The following FCSK variants were observed in gnomAD, a reference collection of about 807,000 sequenced individuals.
FCSK encodes the protein fucose kinase.
A neutral mutation model predicts 122.5 loss-of-function variants in FCSK; 123 were observed. That is an observed-to-expected ratio of 1.00 (90% confidence interval 0.87 to 1.17). FCSK has a LOEUF of 1.17. Ranked by LOEUF, FCSK falls within the 50% of genes most tolerant of loss-of-function variation. The probability of loss-of-function intolerance (pLI) is 0.00; values close to 1 mark genes in which losing one functional copy is unlikely to be tolerated. For missense variants in FCSK, 1,366 were observed against 1,450.4 expected, an observed-to-expected ratio of 0.94 and a Z score of 0.95; for synonymous variants, 620 against 625.5, an observed-to-expected ratio of 0.99 and a Z score of 0.13.
chr16:70,475,315 G>T, intron 18 of FCSK, 35 bp from the exon 19 acceptor site: 1 of 1,604,842 alleles, frequency 6.2e-7, no homozygotes, highest in South Asian at 1.1e-5. Context: ...TGCCCATCGA[G>T]ACTGAATTCC....
At position 70,479,288 on chromosome 16, in the gene FCSK, C is replaced by G; in HGVS notation, c.3038C>G (p.Ala1013Gly). Residue 1013 changes from alanine (A) to glycine (G), a missense_variant, in exon 23 of 24, where the codon GCC (alanine) becomes GGC (glycine). By Grantham distance (60) the Ala-to-Gly change is moderately conservative (BLOSUM62 0). Coordinates refer to ENST00000288078, the MANE Select transcript of FCSK (RefSeq NM_145059.3). The stretch of plus-strand genomic sequence containing the variant: ...GTGCGGCGTATGATGGATGTCCTGG[C>G]CCCCCACGTGCATGGCCAGAGCCTG... ...LTVRRMMDVLAPHVHGQSLAG... is the reference protein window; with the variant it reads ...LTVRRMMDVLGPHVHGQSLAG... 4 of 1,613,890 alleles carry G rather than the reference C, an allele frequency of 2.5e-6. No individual in the cohort carries two copies. The highest frequency in any genetic ancestry group is 1.7e-6 in the Non-Finnish European group (2 of 1,179,944).
At chr16:70,469,086 C>T in intron 9 of FCSK, 66 bp from the exon 10 acceptor site, 1 of 1,608,972 alleles carries the variant, frequency 6.2e-7, no homozygotes, top group Non-Finnish European at 8.5e-7. Context: ...TGCCCTGGTT[C>T]AGCCTCAGAA....
intron 13 of FCSK, among the ~76,000 whole-genome samples, 197 bp from the exon 14 acceptor site, chr16:70,472,344 G>A (rs1167841591): frequency 6.6e-6 from 1 of 152,178 alleles, no homozygotes; most frequent in Non-Finnish European, 1.5e-5. Flanking sequence ...CTGGGAGGCC[G>A]AGGTGGGAGG....
chr16:70,471,149 C>A (rs2048603168), intron 12 of FCSK, 33 bp from the exon 13 acceptor site: 2 of 1,592,884 alleles, frequency 1.3e-6, no homozygotes, highest in African/African-American at 2.7e-5. Context: ...TGGGTGCCTG[C>A]CCACCCAGGA....
At chr16:70,460,148 C>G (rs1267680760) in intron 1 of FCSK, among the ~76,000 whole-genome samples, 2 of 148,334 alleles carry the variant, frequency 1.3e-5, no homozygotes, top group African/African-American at 5.1e-5. Context: ...GCTCTGTCGC[C>G]CAGGCTGGAG....
rs370391879 is a variant in FCSK at position 70,475,717 on chromosome 16, C to A, written c.2591C>A (p.Thr864Lys). Residue 864 changes from threonine (T) to lysine (K), a missense_variant, in exon 20 of 24, where the codon ACG (threonine) becomes AAG (lysine). Physicochemically the swap from Thr to Lys is moderately conservative, Grantham distance 78. Transcript: ENST00000288078. ...LQRAAGRVVG[T>K]EALIHAVLHL... ...CGAGCCGCAGGCCGGGTGGTGGGCA[C>A]GGAAGCCCTGATCCACGCAGTGCTG... is the stretch of plus-strand genomic sequence containing the variant. 1.2e-6 allele frequency: 2 copies of A among 1,602,686 alleles called. No individual in the cohort carries two copies. The highest frequency in any genetic ancestry group is 2.7e-5 in the African/African-American group (2 of 74,844).
At position 70,478,474 on chromosome 16, in the gene FCSK, C is replaced by T. The variant is rs754707150; in HGVS notation, c.2829+15C>T. The T allele has an allele frequency of 9.3e-6, 15 of 1,613,644 alleles. No individual in the cohort carries two copies. The East Asian group carries it at 3.3e-4, about 36-fold the overall frequency. ...ACCTGCTGCAGGTGAGCTCTGGCCC[C>T]AGCATGAGGGAGGCAGGCAGGGGGC... On this transcript the variant is annotated intron_variant, in intron 21 of 23. Coordinates refer to ENST00000288078, the MANE Select transcript of FCSK (RefSeq NM_145059.3).
At chr16:70,465,264 G>A in intron 4 of FCSK, 88 bp downstream of exon 4, 3 of 1,273,960 alleles carry the variant, frequency 2.4e-6, no homozygotes, top group Admixed American at 2.2e-5. Context: ...TTCTGCCACT[G>A]TGTGTGTGCA....
intron 22 of FCSK, 185 bp from the exon 23 acceptor site, chr16:70,478,995 G>T: frequency 1.5e-6 from 1 of 653,344 alleles, no homozygotes; most frequent in South Asian, 1.8e-5. Flanking sequence ...GGTGTTGGTT[G>T]CTTCCTGCAC....
rs1400414725 is a variant in FCSK, at chr16:70,475,092, G to T, written c.2377+81G>T. On this transcript the variant is annotated intron_variant, in intron 18 of 23. Coordinates refer to ENST00000288078, the MANE Select transcript of FCSK (RefSeq NM_145059.3). The stretch of plus-strand genomic sequence containing the variant: ...GAAGCTAGAGACTGCAGGCCAGTGG[G>T]GTCTGGCCTGAGGGCCAGCCAGTCT... The T allele has an allele frequency of 5.3e-6, 7 of 1,332,314 alleles. No individual in the cohort carries two copies. The Admixed American group carries it at 8.6e-5, about 16-fold the overall frequency. The allele number at this position is 1,332,314 out of a possible 1,614,324, so 82.5% of individuals were successfully genotyped here.
rs781318527 is a variant in FCSK, at chr16:70,463,156, AT to A, written c.-22-11del. 4.6e-6 allele frequency: 7 copies of A among 1,517,332 alleles called. No homozygotes were observed. The Middle Eastern group carries it at 8.5e-4, about 185-fold the overall frequency. The allele number at this position is 1,517,332 out of a possible 1,614,324, so 94.0% of individuals were successfully genotyped here. A position where few individuals can be genotyped will look rare whatever the true frequency, so the allele number is the denominator to read the frequency against. ...TTAAAAAATAGTCACATCTACCCAT[AT>A]TGCTGTCTCAGGAAGCCCCTCCGCT... On this transcript the variant is annotated splice_polypyrimidine_tract_variant and intron_variant, in intron 1 of 23. Coordinates refer to ENST00000288078, the MANE Select transcript of FCSK (RefSeq NM_145059.3).
In FCSK at chr16:70,465,270, G is replaced by A. The variant is rs540040515; in HGVS notation, c.285+94G>A. Reference sequence around the variant, plus strand: ...TCAGGGGTGTTCTGCCACTGTGTGTGTGCAAGATGAAATCTGAAAGATTCT... The same window carrying A: ...TCAGGGGTGTTCTGCCACTGTGTGTATGCAAGATGAAATCTGAAAGATTCT... On this transcript the variant is annotated intron_variant, in intron 4 of 23. Coordinates refer to ENST00000288078, the MANE Select transcript of FCSK (RefSeq NM_145059.3). 41 of 1,223,248 alleles carry A rather than the reference G, an allele frequency of 3.4e-5. No homozygotes were observed. In the African/African-American group the frequency reaches 5.9e-4, roughly 18 times the overall value. The allele number at this position is 1,223,248 out of a possible 1,614,324, so 75.8% of individuals were successfully genotyped here. A position where few individuals can be genotyped will look rare whatever the true frequency, so the allele number is the denominator to read the frequency against.
At chr16:70,461,601 A>G (rs2048266308) in intron 1 of FCSK, among the ~76,000 whole-genome samples, 1 of 152,152 alleles carries the variant, frequency 6.6e-6, no homozygotes, top group Non-Finnish European at 1.5e-5. Flanking sequence ...GAGGTCTCCA[A>G]GTGCCTGCTC....
chr16:70,474,250 G>T lies in FCSK; in HGVS notation c.1899G>T (p.Glu633Asp). The T allele has an allele frequency of 6.2e-7, 1 of 1,611,994 alleles. No individual in the cohort carries two copies. Among genetic ancestry groups the T allele is most frequent in the Non-Finnish European group, 8.5e-7 (1 of 1,179,526 alleles). ...GGAGCGGGCCAGCTGCCAACCCTGA[G>T]TGGATGCGGCCCTTCTCATACCTGG... ...GLRSGPAANP[E>D]WMRPFSYLEC... The change falls in exon 16 of 24, where the codon GAG becomes GAT. Residue 633 changes from glutamate to aspartate, a missense_variant. Glu to Asp is a conservative substitution (Grantham distance 45, BLOSUM62 2). Coordinates refer to ENST00000288078, the MANE Select transcript of FCSK (RefSeq NM_145059.3).
rs1354205959 is a variant in FCSK at position 70,479,660 on chromosome 16, ACCTGTTGC to A, written c.3239_3246del (p.Cys1080PhefsTer68). The A allele has an allele frequency of 6.2e-7, 1 of 1,613,976 alleles. No homozygotes were observed. The highest frequency in any genetic ancestry group is 1.1e-5 in the South Asian group (1 of 91,074). ...GAAGCTGCTGGGGACCGAGGCCTCA[ACCTGTTGC>A]CCTTTCCCATGAAGCTGGCTTCTCT... On this transcript the variant is annotated frameshift_variant, in exon 24 of 24. Transcript: ENST00000288078. LOFTEE classifies it high-confidence loss of function.
rs1597614227 is a variant in FCSK at position 70,466,665 on chromosome 16, C to G, written c.412-217C>G. On this transcript the variant is annotated intron_variant, in intron 5 of 23. Transcript: ENST00000288078. ...TGAGCTACGATCGCACTACTGCACT[C>G]CAGCCTGGGTGACAGTGAGACCCTG... is the stretch of plus-strand genomic sequence containing the variant. The G allele has an allele frequency of 5.2e-6, 3 of 574,478 alleles. No individual in the cohort carries two copies. In the East Asian group the frequency reaches 8.7e-5, roughly 17 times the overall value. 35.6% of individuals were successfully genotyped at this position (574,478 alleles called of 1,614,324 possible).
intron 10 of FCSK, 103 bp downstream of exon 10, chr16:70,469,426 G>C: frequency 8.9e-7 from 1 of 1,121,488 alleles, no homozygotes; most frequent in South Asian, 1.5e-5. Flanking sequence ...CCCAGCACAG[G>C]GACTGGGCAG....
At position 70,471,096 on chromosome 16, in the gene FCSK, A is replaced by G. The variant is rs535039885; in HGVS notation, c.1170+24A>G. The G allele has an allele frequency of 3.1e-6, 5 of 1,593,048 alleles. No homozygotes were observed. In the South Asian group the frequency reaches 3.4e-5, roughly 11 times the overall value. ...AGGTGAGGCCTGAGCGTGTGGGCAG[A>G]TTGGGGCGAGGGTGCTGGCATCCCG... On this transcript the variant is annotated intron_variant, in intron 12 of 23. Coordinates refer to ENST00000288078, the MANE Select transcript of FCSK (RefSeq NM_145059.3).
chr16:70,472,922 C>G, intron 14 of FCSK, 61 bp from the exon 15 acceptor site: 1 of 1,528,900 alleles, frequency 6.5e-7, no homozygotes, highest in Non-Finnish European at 8.8e-7. Flanking sequence ...CGGCTCAGGG[C>G]TTGGGGAAGA....
Sources: gnomAD v4.1 joint callset for allele counts (sites outside exome capture counted in the v4.1 genomes callset) on GRCh38, gnomAD v4.1.1 for gene constraint, MANE v1.5 for transcripts, NCBI Gene and HGNC (gene_info 2026-07-23, HGNC 2026-07-21) for gene names.